CFAP20DC: variants seen among roughly 807,000 people sequenced by gnomAD.
CFAP20DC encodes CFAP20 domain containing.
CFAP20DC carries 84 observed loss-of-function variants against 101.7 expected under a neutral mutation model. That is an observed-to-expected ratio of 0.83 (90% CI 0.69 to 0.99). CFAP20DC has a LOEUF of 0.99. Among genes scored for constraint, CFAP20DC ranks in the 50% least tolerant of loss-of-function variants. CFAP20DC has a pLI of 0.00. For missense variants in CFAP20DC, 1,007 were observed against 970.3 expected, an observed-to-expected ratio of 1.04 and a Z score of -0.50; for synonymous variants, 359 against 351.2, an observed-to-expected ratio of 1.02 and a Z score of -0.25.
At chr3:58,966,804 C>T (rs995292573) in intron 4 of CFAP20DC, among the ~76,000 whole-genome samples, 15 of 151,926 alleles carry the variant, frequency 9.9e-5, no homozygotes, top group Admixed American at 3.9e-4. Flanking sequence ...CGATTACAGG[C>T]GTGAGCCATC....
intron 12 of CFAP20DC, among the ~76,000 whole-genome samples, chr3:58,860,097 A>G (rs1394157792): frequency 6.7e-6 from 1 of 149,938 alleles, no homozygotes; most frequent in East Asian, 2.0e-4. Flanking sequence ...GAATTGCTTG[A>G]ACCAGGGAGT....
rs1036104873 is a variant in CFAP20DC, at chr3:58,982,181, T to C, written c.279-44419A>G. On this transcript the variant is annotated intron_variant, in intron 4 of 16. Coordinates refer to ENST00000482387, the MANE Select transcript of CFAP20DC (RefSeq NM_001394063.1). ...AGATACCACCTCACACCAGTTAGAA[T>C]GGCAATCATTAAAAAGTCAGGAAAC... is the stretch of plus-strand genomic sequence containing the variant. Among the ~76,000 whole-genome samples the C allele has an allele frequency of 1.9e-4, 29 of 152,172 alleles. 1 individual carries two copies. The highest frequency in any genetic ancestry group is 4.1e-4 in the South Asian group (2 of 4,822).
chr3:58,969,371 T>A (rs761919620), intron 4 of CFAP20DC, among the ~76,000 whole-genome samples: 1 of 152,146 alleles, frequency 6.6e-6, no homozygotes, highest in Non-Finnish European at 1.5e-5. Context: ...GAAATGAGAA[T>A]CCTCATCATT....
chr3:58,886,530 T>C (rs2081639875), intron 6 of CFAP20DC, among the ~76,000 whole-genome samples: 1 of 151,654 alleles, frequency 6.6e-6, no homozygotes, highest in Non-Finnish European at 1.5e-5. Flanking sequence ...AAGACCAGCC[T>C]GGGTAACATA....
chr3:58,851,311 A>G (rs899970626), intron 12 of CFAP20DC, among the ~76,000 whole-genome samples: 4 of 152,106 alleles, frequency 2.6e-5, no homozygotes, highest in African/African-American at 9.7e-5. Flanking sequence ...TCAGTAGACT[A>G]TTGTATTGTT....
rs182245105 is a variant in CFAP20DC at position 58,814,299 on chromosome 3, C to T, written c.2176-7843G>A. Among the ~76,000 whole-genome samples, 284 of 151,980 alleles carry T rather than the reference C, an allele frequency of 1.9e-3. 1 individual carries two copies. Among genetic ancestry groups the T allele is most frequent in the Non-Finnish European group, 3.1e-3 (208 of 68,006 alleles). On this transcript the variant is annotated intron_variant, in intron 14 of 16. Transcript: ENST00000482387. ...GAATCCTATCTTGTTAGTGACTCAG[C>T]CCCTCCTTGCTTTAGACTAAAAACT... is the stretch of plus-strand genomic sequence containing the variant.
At chr3:59,038,836 T>C (rs1275872672) in intron 4 of CFAP20DC, among the ~76,000 whole-genome samples, 3 of 152,232 alleles carry the variant, frequency 2.0e-5, no homozygotes, top group African/African-American at 7.2e-5. Context: ...AAAAATCATT[T>C]ATTCTGGCAT....
Position 58,925,848 on chromosome 3 carries a change from A to G in CFAP20DC, c.393+11800T>C, listed in dbSNP as rs1468395993. 2.0e-5 allele frequency among the ~76,000 whole-genome samples: 3 copies of G among 152,200 alleles called. No homozygotes were observed. The East Asian group carries it at 5.8e-4, about 29-fold the overall frequency. ...AATCTAGCTCCAGAGGTCACATGTT[A>G]ATCTTAACAGCATTCTGCCAATTTA... On this transcript the variant is annotated intron_variant, in intron 5 of 16. Coordinates refer to ENST00000482387, the MANE Select transcript of CFAP20DC (RefSeq NM_001394063.1).
chr3:59,004,219 G>GGT (rs1202867365), intron 4 of CFAP20DC, among the ~76,000 whole-genome samples: 4 of 152,076 alleles, frequency 2.6e-5, no homozygotes, highest in African/African-American at 9.7e-5. Flanking sequence ...ATGTATAGCA[G>GGT]GTGTTCAATA....
At chr3:58,893,933 G>A (rs983234428) in intron 6 of CFAP20DC, among the ~76,000 whole-genome samples, 2 of 152,136 alleles carry the variant, frequency 1.3e-5, no homozygotes, top group African/African-American at 4.8e-5. Flanking sequence ...ATGGTGGAAG[G>A]AAAAGGAGCA....
In CFAP20DC at chr3:58,942,533, C is replaced by A. The variant is rs192232316; in HGVS notation, c.279-4771G>T. ...AGGGACTGTGCCATGAGGAACGGTG[C>A]ATTCTGGCCCAGATACTATGCTTTT... On this transcript the variant is annotated intron_variant, in intron 4 of 16. Transcript: ENST00000482387. 3.9e-5 allele frequency among the ~76,000 whole-genome samples: 6 copies of A among 152,340 alleles called. No individual in the cohort carries two copies. The East Asian group carries it at 1.2e-3, about 29-fold the overall frequency.
chr3:58,754,573 G>A (rs372146337), intron 15 of CFAP20DC, among the ~76,000 whole-genome samples: 3 of 152,288 alleles, frequency 2.0e-5, no homozygotes, highest in African/African-American at 7.2e-5. Context: ...GAGCAGGCAG[G>A]AGGATGTAAA....
intron 4 of CFAP20DC, among the ~76,000 whole-genome samples, chr3:59,035,267 A>G (rs925272417): frequency 6.6e-6 from 1 of 152,194 alleles, no homozygotes; most frequent in South Asian, 2.1e-4. Context: ...ACACCCTAAC[A>G]TCACAATTAA....
chr3:58,721,427 A>G lies in CFAP20DC; in HGVS notation c.198-3799T>C, dbSNP rs2067472005. 1.3e-5 allele frequency among the ~76,000 whole-genome samples: 2 copies of G among 152,146 alleles called. No individual in the cohort carries two copies. Among genetic ancestry groups the G allele is most frequent in the African/African-American group, 4.8e-5 (2 of 41,420 alleles). On this transcript the variant is annotated intron_variant, in intron 3 of 3. Transcript: ENST00000486145. This position sits in a 1 kb window ranked among gnomAD's most constrained non-coding sequence, Gnocchi z 5.2. ...CATGATAGGGTACCTAGTGCTATGA[A>G]TATTTATTCCAGGAGTCTGACCTAA...
chr3:58,912,513 C>T lies in CFAP20DC; in HGVS notation c.550+1195G>A, dbSNP rs141444685. ...GCCACATCAAGATTTCTCAGGCACA[C>T]ACCCAGATGGAGCACAAATCTGAAG... is the stretch of plus-strand genomic sequence containing the variant. On this transcript the variant is annotated intron_variant, in intron 6 of 16. Coordinates refer to ENST00000482387, the MANE Select transcript of CFAP20DC (RefSeq NM_001394063.1). The surrounding 1 kb of genome is among the most constrained non-coding windows in gnomAD (Gnocchi z 4.4). 6.2e-6 allele frequency: 2 copies of T among 324,328 alleles called. No homozygotes were observed. The highest frequency in any genetic ancestry group is 2.6e-5 in the South Asian group (1 of 38,822). The allele number at this position is 324,328 out of a possible 1,614,324, so 20.1% of individuals were successfully genotyped here.
chr3:58,913,735 T>C lies in CFAP20DC; in HGVS notation c.523A>G (p.Lys175Glu), dbSNP rs780643571. 1.2e-6 allele frequency: 2 copies of C among 1,613,746 alleles called. No individual in the cohort carries two copies. Among genetic ancestry groups the C allele is most frequent in the Admixed American group, 1.7e-5 (1 of 59,924 alleles). Reference sequence around the variant, plus strand: ...TCCTTATCAGCAGTGTCTTGTGGCTTTGATTTTAAGGTGAAGATCTTCCGT... The same window carrying C: ...TCCTTATCAGCAGTGTCTTGTGGCTCTGATTTTAAGGTGAAGATCTTCCGT... ...KLRKIFTLKS[K>E]PQDTADKDAV... Residue 175 changes from lysine to glutamate, a missense_variant, in exon 6 of 17, where the codon AAG (lysine) becomes GAG (glutamate). Coordinates refer to ENST00000482387, the MANE Select transcript of CFAP20DC (RefSeq NM_001394063.1). This position sits in a 1 kb window ranked among gnomAD's most constrained non-coding sequence, Gnocchi z 4.4.
chr3:58,873,966 T>C (rs540809182), intron 7 of CFAP20DC, among the ~76,000 whole-genome samples: 1 of 152,204 alleles, frequency 6.6e-6, no homozygotes, highest in East Asian at 1.9e-4. Context: ...TTCTGGATGC[T>C]GTAAGGCAGG....
intron 12 of CFAP20DC, among the ~76,000 whole-genome samples, chr3:58,853,672 G>T (rs930824575): frequency 6.6e-6 from 1 of 152,080 alleles, no homozygotes; most frequent in African/African-American, 2.4e-5. Flanking sequence ...ATGCAAGGCT[G>T]GTTCAATATA....
chr3:58,932,207 T>A (rs2086807035), intron 5 of CFAP20DC, among the ~76,000 whole-genome samples: 2 of 151,712 alleles, frequency 1.3e-5, no homozygotes, highest in South Asian at 4.2e-4. Context: ...ATGAAGTGAG[T>A]AGGGAAGTTT....
Sources: gnomAD v4.1 joint callset for allele counts (sites outside exome capture counted in the v4.1 genomes callset) on GRCh38, gnomAD v4.1.1 for gene constraint, Gnocchi (gnomAD v3.1) non-coding constraint, MANE v1.5 for transcripts, NCBI Gene and HGNC (gene_info 2026-07-23, HGNC 2026-07-21) for gene names.